The following PCDH15 variants were observed in gnomAD, a reference collection of about 807,000 sequenced individuals.
PCDH15 encodes the protein protocadherin related 15, also known as protocadherin-15.
A neutral mutation model predicts 178.5 loss-of-function variants in PCDH15; 129 were observed. The ratio of observed to expected loss-of-function variants is 0.72; its 90% CI spans 0.63 to 0.84. The LOEUF (loss-of-function observed/expected upper bound fraction) is 0.84. PCDH15 is among the 40% of genes least tolerant of loss of function. The pLI, the probability that PCDH15 is intolerant of heterozygous loss-of-function variation, is 0.00. For missense variants in PCDH15, 2,230 were observed against 2,099.9 expected, an observed-to-expected ratio of 1.06 and a Z score of -1.21; for synonymous variants, 800 against 732.0, an observed-to-expected ratio of 1.09 and a Z score of -1.50.
intron 3 of PCDH15, among the ~76,000 whole-genome samples, chr10:54,483,866 T>C (rs1254808899): frequency 6.6e-6 from 1 of 151,886 alleles, no homozygotes; most frequent in Non-Finnish European, 1.5e-5. Context: ...TTTTGAATGT[T>C]TTGACAAATA....
At chr10:54,991,006 G>T (rs1366286759) in intron 2 of PCDH15, among the ~76,000 whole-genome samples, 3 of 151,420 alleles carry the variant, frequency 2.0e-5, no homozygotes, top group Non-Finnish European at 4.4e-5. Flanking sequence ...ATAATCATTT[G>T]TAAAATAATA....
At chr10:54,926,736 G>A (rs929061377) in intron 2 of PCDH15, among the ~76,000 whole-genome samples, 1 of 151,998 alleles carries the variant, frequency 6.6e-6, no homozygotes, top group Non-Finnish European at 1.5e-5. Context: ...TAGTTTATGT[G>A]CACAGATGTG....
chr10:54,027,285 A>C (rs567940252), intron 18 of PCDH15, among the ~76,000 whole-genome samples: 105 of 149,698 alleles, frequency 7.0e-4, no homozygotes, highest in Non-Finnish European at 1.3e-3. Context: ...TCAAGGAAAT[A>C]AAAGAGGATA....
At chr10:55,051,760 C>T (rs1476939151) in intron 2 of PCDH15, among the ~76,000 whole-genome samples, 1 of 152,162 alleles carries the variant, frequency 6.6e-6, no homozygotes, top group African/African-American at 2.4e-5. Context: ...AGTGACAGAG[C>T]TCAGAATTTT....
chr10:53,997,628 CT>C (rs2091918050), intron 20 of PCDH15, among the ~76,000 whole-genome samples: 1 of 152,082 alleles, frequency 6.6e-6, no homozygotes, highest in African/African-American at 2.4e-5. Flanking sequence ...AATGTATATA[CT>C]TTTCCAATTA....
chr10:53,816,183 A>T, intron 35 of PCDH15, 56 bp downstream of exon 35: 1 of 398,676 alleles, frequency 2.5e-6, no homozygotes, highest in Non-Finnish European at 4.4e-6. Context: ...AATACAATAG[A>T]TCTTAAAGTC....
intron 8 of PCDH15, among the ~76,000 whole-genome samples, chr10:54,314,929 A>G (rs2061149566): frequency 6.6e-6 from 1 of 151,958 alleles, no homozygotes; most frequent in Non-Finnish European, 1.5e-5. Context: ...TCTTTATCCA[A>G]TCTGTCATTC....
chr10:54,724,761 TTA>T (rs1179795272), intron 1 of PCDH15, among the ~76,000 whole-genome samples: 2 of 151,298 alleles, frequency 1.3e-5, no homozygotes, highest in African/African-American at 4.8e-5. Flanking sequence ...TATAGGTTTC[TTA>T]TATATGTGTG....
At chr10:55,406,095 AG>A (rs1838192089) in intron 2 of PCDH15, among the ~76,000 whole-genome samples, 2 of 151,056 alleles carry the variant, frequency 1.3e-5, no homozygotes, top group South Asian at 4.2e-4. Context: ...AAAGCAGCAG[AG>A]TACCCAAATA....
intron 1 of PCDH15, among the ~76,000 whole-genome samples, chr10:54,740,387 G>A (rs184315991): frequency 1.4e-4 from 21 of 151,790 alleles, no homozygotes; most frequent in Admixed American, 1.2e-3. Context: ...CAAAGCTGAT[G>A]AGAATGTAGA....
intron 1 of PCDH15, among the ~76,000 whole-genome samples, chr10:55,292,274 A>G (rs1333230104): frequency 6.6e-6 from 1 of 152,174 alleles, no homozygotes; most frequent in Non-Finnish European, 1.5e-5. Context: ...GGGTAAATAC[A>G]CCCATGTCAA....
At chr10:54,932,265 AT>A (rs895017896) in intron 2 of PCDH15, among the ~76,000 whole-genome samples, 2 of 152,168 alleles carry the variant, frequency 1.3e-5, no homozygotes, top group African/African-American at 4.8e-5. Flanking sequence ...GTGGGATAAG[AT>A]TTGGAGGTGA....
chr10:55,398,209 G>T (rs1449136183), intron 2 of PCDH15, among the ~76,000 whole-genome samples: 2 of 149,290 alleles, frequency 1.3e-5, no homozygotes, highest in East Asian at 3.9e-4. Flanking sequence ...CTTCTTTGTT[G>T]TAACACTTGA....
chr10:53,982,421 A>T (rs2090728923), intron 21 of PCDH15, among the ~76,000 whole-genome samples: 1 of 152,132 alleles, frequency 6.6e-6, no homozygotes, highest in Non-Finnish European at 1.5e-5. Context: ...GAACCAACCC[A>T]AATGTCCAAC....
At chr10:53,880,989 T>C (rs1434191447) in intron 26 of PCDH15, among the ~76,000 whole-genome samples, 1 of 152,152 alleles carries the variant, frequency 6.6e-6, no homozygotes, top group Admixed American at 6.5e-5. Context: ...TGTATGTGTA[T>C]GTGTGTGTGT....
chr10:54,711,920 C>T (rs1371819141), intron 1 of PCDH15, among the ~76,000 whole-genome samples: 1 of 151,850 alleles, frequency 6.6e-6, no homozygotes, highest in Non-Finnish European at 1.5e-5. Context: ...CATGGATTAA[C>T]TTCCAGATAT....
At chr10:54,704,346 T>G (rs1036774050) in intron 1 of PCDH15, among the ~76,000 whole-genome samples, 29 of 152,050 alleles carry the variant, frequency 1.9e-4, no homozygotes, top group Non-Finnish European at 2.9e-5. Context: ...CATGAAACTA[T>G]CAAGTGTAAA....
intron 3 of PCDH15, among the ~76,000 whole-genome samples, chr10:54,477,268 TTCCTCACACATAC>T (rs1315070284): frequency 6.6e-6 from 1 of 152,156 alleles, no homozygotes; most frequent in Non-Finnish European, 1.5e-5. Flanking sequence ...CCCTTTTCCT[TTCCTCACACATAC>T]TCCTCTTTGG....
At chr10:55,439,396 T>C (rs538419833) in intron 2 of PCDH15, among the ~76,000 whole-genome samples, 3 of 152,122 alleles carry the variant, frequency 2.0e-5, no homozygotes, top group South Asian at 2.1e-4. Context: ...TATGCCACAA[T>C]AGAATTAACA....
Sources: allele counts gnomAD v4.1 joint callset (sites outside exome capture counted in the v4.1 genomes callset), GRCh38; gene constraint gnomAD v4.1.1; transcripts MANE v1.5; gene names NCBI Gene and HGNC (gene_info 2026-07-23, HGNC 2026-07-21).